Variants in FRMPD4 observed in about 807,000 individuals in gnomAD.
FRMPD4 encodes the protein FERM and PDZ domain-containing protein 4.
A neutral mutation model predicts 94.1 loss-of-function variants in FRMPD4; 22 were observed. The ratio of observed to expected loss-of-function variants is 0.23; its 90% CI spans 0.17 to 0.33. FRMPD4 has a LOEUF of 0.33. Ranked by LOEUF, FRMPD4 falls within the 10% of genes least tolerant of loss-of-function variation. The pLI is 1.00. For missense variants in FRMPD4, 1,111 were observed against 1,339.9 expected, an observed-to-expected ratio of 0.83 and a Z score of 2.67; for synonymous variants, 631 against 548.6, an observed-to-expected ratio of 1.15 and a Z score of -2.10.
intron 1 of FRMPD4, among the ~76,000 whole-genome samples, chrX:12,214,792 TTA>T (rs1157679753): frequency 8.9e-6 from 1 of 112,155 alleles, no homozygotes; most frequent in East Asian, 2.8e-4. Flanking sequence ...ATAAAAACAA[TTA>T]TATGAGAAAA....
At chrX:11,831,208 A>C (rs6639089) in intron 1 of FRMPD4, among the ~76,000 whole-genome samples, 14,319 of 109,648 alleles carry the variant, frequency 0.13, 1,185 homozygotes, top group African/African-American at 0.29. Flanking sequence ...GAACTATGAT[A>C]TCTTATAATG....
chrX:12,514,964 G>A (rs1048283566), intron 2 of FRMPD4, among the ~76,000 whole-genome samples: 1 of 111,625 alleles, frequency 9.0e-6, no homozygotes, highest in Admixed American at 9.5e-5. Context: ...ATATGTCCAG[G>A]ATTTTTTCCA....
chrX:12,104,469 T>A, intron 3 of FRMPD4, among the ~76,000 whole-genome samples: 1 of 112,548 alleles, frequency 8.9e-6, no homozygotes, highest in South Asian at 3.7e-4. Context: ...TGCTAGCTGT[T>A]TCAAAACTAT....
At chrX:12,692,497 T>A (rs2060089031) in intron 8 of FRMPD4, among the ~76,000 whole-genome samples, 1 of 112,550 alleles carries the variant, frequency 8.9e-6, no homozygotes, top group South Asian at 3.6e-4. Flanking sequence ...AACCTCCCAA[T>A]GGAACTTTTA....
At chrX:11,995,964 G>T (rs141698775) in intron 3 of FRMPD4, among the ~76,000 whole-genome samples, 2 of 112,003 alleles carry the variant, frequency 1.8e-5, no homozygotes, top group East Asian at 5.6e-4. Flanking sequence ...CATTTTATAA[G>T]TGCATCAAGG....
chrX:12,191,007 TGATAAA>T (rs80036397), intron 1 of FRMPD4, among the ~76,000 whole-genome samples: 21,231 of 111,167 alleles, frequency 0.19, 1,862 homozygotes, highest in East Asian at 0.61. Context: ...TTGACATATT[TGATAAA>T]GAACTGTTAT....
chrX:12,109,784 A>G (rs1172365248), intron 3 of FRMPD4, among the ~76,000 whole-genome samples: 1 of 112,330 alleles, frequency 8.9e-6, no homozygotes, highest in African/African-American at 3.2e-5. Flanking sequence ...AGAGAATACT[A>G]TAAACACCTC....
Position 12,717,099 on chromosome X carries a change from C to T in FRMPD4, c.2640C>T (p.Ser880=), listed in dbSNP as rs372610152. The change falls in exon 15 of 17, where the codon TCC becomes TCT. Residue 880 remains serine (S), a synonymous_variant. Transcript: ENST00000675598. ...CGCTGGGAGCTCTAGAGGCTCTATC[C>T]GTGTCAGAAGAACAGCAGACCAGTG... ...VSTLGALEAL[S]VSEEQQTSDN... The T allele has an allele frequency of 2.6e-5, 31 of 1,185,429 alleles. No individual in the cohort carries two copies. In the South Asian group the frequency reaches 2.8e-4, roughly 11 times the overall value.
intron 1 of FRMPD4, among the ~76,000 whole-genome samples, chrX:11,829,674 G>A (rs1601790066): frequency 1.8e-5 from 2 of 112,054 alleles, no homozygotes. Flanking sequence ...CTTAGATTCT[G>A]TCTCTGAATT....
At chrX:12,423,301 G>C (rs2056908267) in intron 1 of FRMPD4, among the ~76,000 whole-genome samples, 1 of 111,361 alleles carries the variant, frequency 9.0e-6, no homozygotes, top group East Asian at 2.8e-4. Flanking sequence ...AAATCTGTTG[G>C]TACATGATTT....
At chrX:12,057,919 G>C (rs2054863512) in intron 3 of FRMPD4, among the ~76,000 whole-genome samples, 1 of 111,163 alleles carries the variant, frequency 9.0e-6, no homozygotes, top group Non-Finnish European at 1.9e-5. Flanking sequence ...TTGAGGGTTG[G>C]TTTCCAGAGG....
intron 3 of FRMPD4, among the ~76,000 whole-genome samples, chrX:11,958,363 T>C (rs1056176963): frequency 4.5e-5 from 5 of 112,147 alleles, no homozygotes; most frequent in African/African-American, 1.3e-4. Flanking sequence ...GGACTTTTAT[T>C]TGTGATTCTA....
In FRMPD4 at chrX:11,852,622, A is replaced by G. The variant is rs185378527; in HGVS notation, c.-160-12464A>G. 9.9e-5 allele frequency among the ~76,000 whole-genome samples: 11 copies of G among 111,207 alleles called. No homozygotes were observed. In the East Asian group the frequency reaches 2.8e-3, roughly 28 times the overall value. Reference sequence around the variant, plus strand: ...GGGTTACAATCCTAGTTTCTGAGAAAACAGACTTTAAACCAACAAAGATCC... The same window carrying G: ...GGGTTACAATCCTAGTTTCTGAGAAGACAGACTTTAAACCAACAAAGATCC... On this transcript the variant is annotated intron_variant, in intron 1 of 18. Transcript: ENST00000640291.
At chrX:12,621,264 C>T (rs73446856) in intron 4 of FRMPD4, among the ~76,000 whole-genome samples, 2,565 of 109,495 alleles carry the variant, frequency 0.023, 72 homozygotes, top group African/African-American at 0.079. Flanking sequence ...ACAAAAAAAA[C>T]GACTGAAAGA....
chrX:11,972,959 G>A (rs766314667), intron 3 of FRMPD4, among the ~76,000 whole-genome samples: 2 of 112,296 alleles, frequency 1.8e-5, no homozygotes, highest in South Asian at 3.7e-4. Context: ...TAATAGACAA[G>A]TAAGATTCTT....
intron 3 of FRMPD4, among the ~76,000 whole-genome samples, chrX:12,103,723 T>C (rs779197772): frequency 1.8e-5 from 2 of 112,085 alleles, no homozygotes; most frequent in African/African-American, 6.5e-5. Flanking sequence ...ATTTAGAAAT[T>C]ATAGATAAAC....
At chrX:12,160,093 G>A (rs746016016) in intron 1 of FRMPD4, among the ~76,000 whole-genome samples, 1 of 110,177 alleles carries the variant, frequency 9.1e-6, no homozygotes, top group South Asian at 3.9e-4. Flanking sequence ...GTGTGTGTGT[G>A]TGTGTATGTG....
intron 2 of FRMPD4, among the ~76,000 whole-genome samples, chrX:12,522,834 C>T (rs1041474112): frequency 2.7e-5 from 3 of 111,274 alleles, no homozygotes; most frequent in Non-Finnish European, 3.8e-5. Context: ...AACTCCTGAC[C>T]TCGGGTGATC....
chrX:12,153,302 T>A (rs1489208732), intron 1 of FRMPD4, among the ~76,000 whole-genome samples: 1 of 112,204 alleles, frequency 8.9e-6, no homozygotes, highest in Non-Finnish European at 1.9e-5. Context: ...TCTGATGATC[T>A]TCTGTTCACT....
Sources: gnomAD v4.1 joint callset for allele counts (sites outside exome capture counted in the v4.1 genomes callset) on GRCh38, gnomAD v4.1.1 for gene constraint, MANE v1.5 for transcripts, NCBI Gene and HGNC (gene_info 2026-07-23, HGNC 2026-07-21) for gene names.